The following NRXN3 variants were observed in gnomAD, a reference collection of about 807,000 sequenced individuals.
The protein encoded by NRXN3 is neurexin 3.
A neutral mutation model predicts 137.6 loss-of-function variants in NRXN3; 32 were observed. The observed-to-expected ratio is 0.23, with a 90% CI of 0.18 to 0.31. The LOEUF (loss-of-function observed/expected upper bound fraction) is 0.31, where lower values mean the gene tolerates loss of function less well. Ranked by LOEUF, NRXN3 falls within the 10% of genes least tolerant of loss-of-function variation. The probability of loss-of-function intolerance (pLI) is 1.00; values close to 1 mark genes in which losing one functional copy is unlikely to be tolerated. For synonymous variants in NRXN3, 798 were observed against 784.5 expected (o/e 1.02, Z -0.29); for missense variants, 1,574 against 2,062.5 (o/e 0.76, Z 4.59).
At chr14:79,399,793 C>T (rs558509166) in intron 15 of NRXN3, among the ~76,000 whole-genome samples, 2 of 152,250 alleles carry the variant, frequency 1.3e-5, no homozygotes, top group South Asian at 2.1e-4. Flanking sequence ...ATCAGTTTCT[C>T]CCAGTTCGGG....
At chr14:79,432,270 T>G (rs2095771993) in intron 15 of NRXN3, among the ~76,000 whole-genome samples, 1 of 152,158 alleles carries the variant, frequency 6.6e-6, no homozygotes, top group Non-Finnish European at 1.5e-5. Context: ...GTTAAAATAA[T>G]CTTTCCTACT....
chr14:79,722,758 A>T (rs2098849421), intron 19 of NRXN3, among the ~76,000 whole-genome samples: 1 of 152,136 alleles, frequency 6.6e-6, no homozygotes, highest in South Asian at 2.1e-4. Context: ...GTTAGGATTC[A>T]TTTGGGCAGA....
intron 4 of NRXN3, among the ~76,000 whole-genome samples, chr14:78,478,391 G>T (rs2095416093): frequency 1.3e-5 from 2 of 152,016 alleles, no homozygotes; most frequent in African/African-American, 4.8e-5. Flanking sequence ...TTAATTTGGA[G>T]GAAAATACAG....
intron 11 of NRXN3, among the ~76,000 whole-genome samples, chr14:78,958,101 A>G (rs2099400374): frequency 6.6e-6 from 1 of 152,174 alleles, no homozygotes; most frequent in Non-Finnish European, 1.5e-5. Flanking sequence ...TAATGAACCA[A>G]TTAAGCAGAT....
At chr14:79,149,752 A>G (rs550326632) in intron 15 of NRXN3, among the ~76,000 whole-genome samples, 13 of 152,216 alleles carry the variant, frequency 8.5e-5, no homozygotes, top group Non-Finnish European at 1.5e-4. Flanking sequence ...AAACCAACGC[A>G]GGAACAGAAA....
intron 16 of NRXN3, among the ~76,000 whole-genome samples, chr14:79,617,779 T>C (rs1485374949): frequency 6.6e-6 from 1 of 152,128 alleles, no homozygotes; most frequent in East Asian, 1.9e-4. Context: ...AATCTCCTGT[T>C]TACTGAGTGC....
intron 1 of NRXN3, among the ~76,000 whole-genome samples, chr14:78,223,012 G>A (rs990103545): frequency 1.3e-5 from 2 of 152,200 alleles, no homozygotes; most frequent in African/African-American, 4.8e-5. Flanking sequence ...TTTTGGTAAT[G>A]TCACTCAACA....
At chr14:79,037,346 C>T (rs144929852) in intron 15 of NRXN3, among the ~76,000 whole-genome samples, 94 of 152,196 alleles carry the variant, frequency 6.2e-4, no homozygotes, top group Middle Eastern at 3.4e-3. Flanking sequence ...TTACAGAGCA[C>T]CTGTAGCCCA....
intron 15 of NRXN3, among the ~76,000 whole-genome samples, chr14:79,409,379 TTATC>T (rs1332730254): frequency 6.6e-6 from 1 of 151,312 alleles, no homozygotes; most frequent in Admixed American, 6.6e-5. Flanking sequence ...ATGTACATAT[TTATC>T]TGTGTATATG....
chr14:79,599,847 T>C (rs2097903656), intron 16 of NRXN3, among the ~76,000 whole-genome samples: 1 of 151,948 alleles, frequency 6.6e-6, no homozygotes, highest in Non-Finnish European at 1.5e-5. Context: ...ATACAAAAAT[T>C]AGCCGGGTGT....
intron 8 of NRXN3, among the ~76,000 whole-genome samples, chr14:78,783,695 A>G (rs2098778274): frequency 6.6e-6 from 1 of 152,214 alleles, no homozygotes; most frequent in African/African-American, 2.4e-5. Context: ...CAATTAAAAA[A>G]TGAGCAGAAA....
chr14:78,782,141 C>T (rs2098772144), intron 8 of NRXN3, among the ~76,000 whole-genome samples: 1 of 152,172 alleles, frequency 6.6e-6, no homozygotes, highest in Admixed American at 6.5e-5. Context: ...GCCTCACCTC[C>T]CAGAGCTAGC....
chr14:78,533,385 A>G (rs2096495479), intron 4 of NRXN3, among the ~76,000 whole-genome samples: 1 of 152,004 alleles, frequency 6.6e-6, no homozygotes, highest in Non-Finnish European at 1.5e-5. Flanking sequence ...CTCCTGTATC[A>G]CTAGTGTACA....
At chr14:78,984,800 T>A (rs923796353) in intron 14 of NRXN3, among the ~76,000 whole-genome samples, 3 of 152,228 alleles carry the variant, frequency 2.0e-5, no homozygotes, top group Middle Eastern at 3.4e-3. Context: ...TGTTAGGAAC[T>A]AAAAACAGGA....
At chr14:79,777,196 A>C (rs969898496) in intron 19 of NRXN3, among the ~76,000 whole-genome samples, 1 of 152,200 alleles carries the variant, frequency 6.6e-6, no homozygotes, top group Non-Finnish European at 1.5e-5. Context: ...AAAGATGCAA[A>C]CTATTTTGTC....
chr14:79,578,998 C>T (rs540544891), intron 16 of NRXN3, among the ~76,000 whole-genome samples: 1 of 152,026 alleles, frequency 6.6e-6, no homozygotes, highest in Non-Finnish European at 1.5e-5. Context: ...GTAATTCTCA[C>T]CATATTTTAA....
At chr14:78,470,628 G>T (rs2095244136) in intron 4 of NRXN3, among the ~76,000 whole-genome samples, 1 of 151,942 alleles carries the variant, frequency 6.6e-6, no homozygotes, top group Non-Finnish European at 1.5e-5. Context: ...ATAAGCTGAG[G>T]CAAAGTGAAG....
At chr14:79,385,992 A>G (rs1266882245) in intron 15 of NRXN3, among the ~76,000 whole-genome samples, 2 of 152,190 alleles carry the variant, frequency 1.3e-5, no homozygotes, top group Non-Finnish European at 2.9e-5. Flanking sequence ...CCCACAGCCA[A>G]TATCATACTG....
At position 79,762,800 on chromosome 14, in the gene NRXN3, A is replaced by G. The variant is rs558132538; in HGVS notation, c.4015-42312A>G. Among the ~76,000 whole-genome samples, 3 of 151,796 alleles carry G rather than the reference A, an allele frequency of 2.0e-5. No homozygotes were observed. The South Asian group carries it at 6.2e-4, about 31-fold the overall frequency. On this transcript the variant is annotated intron_variant, in intron 19 of 20. Coordinates refer to ENST00000335750, the MANE Select transcript of NRXN3 (RefSeq NM_001330195.2). The stretch of plus-strand genomic sequence containing the variant: ...TCATTATCACCATTACTTAAGAGAG[A>G]GGCAAAGTGATAGTATCATACAAAC...
Sources: gnomAD v4.1 joint callset for allele counts (sites outside exome capture counted in the v4.1 genomes callset) on GRCh38, gnomAD v4.1.1 for gene constraint, MANE v1.5 for transcripts, NCBI Gene and HGNC (gene_info 2026-07-23, HGNC 2026-07-21) for gene names.